The following ASXL2 variants were observed in gnomAD, a reference collection of about 807,000 sequenced individuals.
ASXL2 encodes the protein putative Polycomb group protein ASXL2.
A neutral mutation model predicts 122.0 loss-of-function variants in ASXL2; 23 were observed. That is an observed-to-expected ratio of 0.19 (90% CI 0.14 to 0.27). The LOEUF (loss-of-function observed/expected upper bound fraction) is 0.27, where lower values mean the gene tolerates loss of function less well. ASXL2 is among the 10% of genes least tolerant of loss of function. ASXL2 has a pLI of 1.00. For missense variants in ASXL2, 1,518 were observed against 1,713.8 expected (o/e 0.89, Z 2.02); for synonymous variants, 650 against 637.0 (o/e 1.02, Z -0.31).
chr2:25,860,495 A>T (rs1253646907), intron 1 of ASXL2, among the ~76,000 whole-genome samples: 1 of 151,886 alleles, frequency 6.6e-6, no homozygotes, highest in East Asian at 1.9e-4. Context: ...GCAGGTGGAT[A>T]TGAGGTCAGG....
At chr2:25,753,176 G>T (rs972195985) in intron 11 of ASXL2, among the ~76,000 whole-genome samples, 1 of 151,592 alleles carries the variant, frequency 6.6e-6, no homozygotes, top group Non-Finnish European at 1.5e-5. Flanking sequence ...CACCATGTTG[G>T]TCAGGCTGGT....
At chr2:25,858,631 G>C (rs552096589) in intron 1 of ASXL2, among the ~76,000 whole-genome samples, 4 of 150,720 alleles carry the variant, frequency 2.7e-5, no homozygotes, top group Non-Finnish European at 5.9e-5. Context: ...GCTGAGGCAG[G>C]AGAATTGCTT....
intron 3 of ASXL2, among the ~76,000 whole-genome samples, chr2:25,808,756 A>G (rs1248739313): frequency 6.6e-6 from 1 of 152,188 alleles, no homozygotes; most frequent in Non-Finnish European, 1.5e-5. Context: ...GAGTTGCACT[A>G]TTGATTTGTC....
At chr2:25,771,607 A>C in intron 5 of ASXL2, 67 bp from the exon 6 acceptor site, 1 of 1,272,188 alleles carries the variant, frequency 7.9e-7, no homozygotes, top group Admixed American at 2.1e-5. Flanking sequence ...TTCCTTCCCC[A>C]ATCATATGCT....
Position 25,853,514 on chromosome 2 carries a change from G to A in ASXL2, c.58-7951C>T, listed in dbSNP as rs560155870. Among the ~76,000 whole-genome samples the A allele has an allele frequency of 3.3e-5, 5 of 152,014 alleles. No individual in the cohort carries two copies. In the South Asian group the frequency reaches 1.0e-3, roughly 32 times the overall value. ...GTCTTTTAATGTTGGTCTTCTTCAGGGTTCTTTTCTCCTCAGTGTCTACTC... is the reference window on the plus strand; with the variant it reads ...GTCTTTTAATGTTGGTCTTCTTCAGAGTTCTTTTCTCCTCAGTGTCTACTC... On this transcript the variant is annotated intron_variant, in intron 1 of 12. Coordinates refer to ENST00000435504, the MANE Select transcript of ASXL2 (RefSeq NM_018263.6).
chr2:25,769,716 T>C (rs368836763), intron 6 of ASXL2, among the ~76,000 whole-genome samples: 1 of 151,676 alleles, frequency 6.6e-6, no homozygotes, highest in African/African-American at 2.4e-5. Flanking sequence ...GGAAAAAAAC[T>C]GAAGTTTGAC....
chr2:25,819,199 C>T (rs2089278013), intron 3 of ASXL2, among the ~76,000 whole-genome samples: 1 of 152,172 alleles, frequency 6.6e-6, no homozygotes, highest in Admixed American at 6.5e-5. Context: ...TGCTGCATTG[C>T]CGAGGATCAG....
At chr2:25,768,185 G>A (rs1365131246) in intron 7 of ASXL2, among the ~76,000 whole-genome samples, 1 of 152,222 alleles carries the variant, frequency 6.6e-6, no homozygotes, top group Non-Finnish European at 1.5e-5. Flanking sequence ...TAAGAGTTTA[G>A]TTTGAGCCTC....
chr2:25,803,333 A>T (rs1408360676), intron 4 of ASXL2, among the ~76,000 whole-genome samples: 1 of 152,192 alleles, frequency 6.6e-6, no homozygotes, highest in African/African-American at 2.4e-5. Flanking sequence ...ATGTAAGTAA[A>T]GCATTTTCCT....
At chr2:25,784,721 A>G (rs1409597672) in intron 5 of ASXL2, among the ~76,000 whole-genome samples, 1 of 152,212 alleles carries the variant, frequency 6.6e-6, no homozygotes, top group Non-Finnish European at 1.5e-5. Context: ...CACTCTCTTC[A>G]TGTCTCCATG....
intron 1 of ASXL2, among the ~76,000 whole-genome samples, chr2:25,863,899 G>T (rs987912202): frequency 6.6e-6 from 1 of 151,202 alleles, no homozygotes; most frequent in African/African-American, 2.4e-5. Context: ...CCAGCTACTC[G>T]GAAGGCTGAG....
At chr2:25,857,278 ATTAC>A (rs2089791885) in intron 1 of ASXL2, among the ~76,000 whole-genome samples, 1 of 152,102 alleles carries the variant, frequency 6.6e-6, no homozygotes, top group East Asian at 1.9e-4. Flanking sequence ...AGTGACACGT[ATTAC>A]TTCTGCTCAC....
At chr2:25,846,174 TGAGG>T (rs1181298132) in intron 1 of ASXL2, among the ~76,000 whole-genome samples, 2 of 152,318 alleles carry the variant, frequency 1.3e-5, no homozygotes, top group East Asian at 3.9e-4. Flanking sequence ...TTTTTTGGTC[TGAGG>T]CACAGTAAAG....
intron 11 of ASXL2, among the ~76,000 whole-genome samples, chr2:25,750,863 C>T (rs2088032356): frequency 6.6e-6 from 1 of 152,164 alleles, no homozygotes; most frequent in Non-Finnish European, 1.5e-5. Context: ...GACCCTTCCA[C>T]CCTGTGATTG....
chr2:25,784,052 TCTAA>T (rs1194392472), intron 5 of ASXL2, among the ~76,000 whole-genome samples: 3 of 119,994 alleles, frequency 2.5e-5, no homozygotes, highest in Non-Finnish European at 5.1e-5. Flanking sequence ...AAACTCCATC[TCTAA>T]ATAAATAAAT....
At chr2:25,781,166 T>G in intron 5 of ASXL2, among the ~76,000 whole-genome samples, 1 of 152,206 alleles carries the variant, frequency 6.6e-6, no homozygotes, top group South Asian at 2.1e-4. Flanking sequence ...GAATTTGTCC[T>G]GGAGTGTGAG....
intron 3 of ASXL2, 129 bp downstream of exon 3, chr2:25,835,409 T>A (rs1253021846): frequency 5.9e-6 from 1 of 170,206 alleles, no homozygotes; most frequent in Non-Finnish European, 1.3e-5. Flanking sequence ...CGATATTACT[T>A]AGTTTCTGGA....
intron 8 of ASXL2, among the ~76,000 whole-genome samples, chr2:25,766,500 C>T (rs1335516343): frequency 6.6e-6 from 1 of 152,164 alleles, no homozygotes; most frequent in Non-Finnish European, 1.5e-5. Context: ...GAAATTTCTT[C>T]AACTTTACTG....
In ASXL2 at chr2:25,799,522, T is replaced by A; in HGVS notation, c.266A>T (p.Asp89Val). The change falls in exon 5 of 13, where the codon GAT (aspartate) becomes GTT (valine). Residue 89 changes from aspartate (D) to valine (V), a missense_variant. Physicochemically the swap from Asp to Val is radical, Grantham distance 152. Transcript: ENST00000435504. ...ACCTTCTGACAGCTCTTTCACCCCA[T>A]CCGGCACATCTTTCTGAAAATGTAG... ...GVYTLKKDVP[D>V]GVKELSEGSE... The A allele has an allele frequency of 6.2e-7, 1 of 1,611,428 alleles. No homozygotes were observed. The highest frequency in any genetic ancestry group is 8.5e-7 in the Non-Finnish European group (1 of 1,178,906).
Sources: allele counts gnomAD v4.1 joint callset (sites outside exome capture counted in the v4.1 genomes callset), GRCh38; gene constraint gnomAD v4.1.1; transcripts MANE v1.5; gene names NCBI Gene and HGNC (gene_info 2026-07-23, HGNC 2026-07-21).